CENPP: variants seen among roughly 807,000 people sequenced by gnomAD.
CENPP encodes centromere protein P.
A neutral mutation model predicts 35.6 loss-of-function variants in CENPP; 24 were observed. That is an observed-to-expected ratio of 0.67 (90% CI 0.49 to 0.95). The LOEUF is 0.95. Among genes scored for constraint, CENPP ranks in the 40% least tolerant of loss-of-function variants. CENPP has a pLI of 0.00. For synonymous variants in CENPP, 120 were observed against 125.5 expected, an observed-to-expected ratio of 0.96 and a Z score of 0.29; for missense variants, 332 against 345.3, an observed-to-expected ratio of 0.96 and a Z score of 0.31.
At chr9:92,448,284 T>A (rs1174310043) in intron 5 of CENPP, among the ~76,000 whole-genome samples, 1 of 151,730 alleles carries the variant, frequency 6.6e-6, no homozygotes, top group Non-Finnish European at 1.5e-5. Flanking sequence ...TTTTTTTTTT[T>A]TTGAGAGAGT....
At chr9:92,353,370 G>A (rs529229821) in intron 4 of CENPP, among the ~76,000 whole-genome samples, 13 of 152,200 alleles carry the variant, frequency 8.5e-5, no homozygotes, top group Admixed American at 1.3e-4. Context: ...CTGATGGAGC[G>A]ACCCAAACCT....
rs1239822881 is a variant in CENPP at position 92,329,214 on chromosome 9, C to T, written c.108-2956C>T. On this transcript the variant is annotated intron_variant, in intron 1 of 7. Coordinates refer to ENST00000375587, the MANE Select transcript of CENPP (RefSeq NM_001012267.3). Reference sequence around the variant, plus strand: ...TTTTTTTTTTTTTGAGACGGAGTTTCGCTCTTGTCGCCCAGGCTGGAGTGT... The same window carrying T: ...TTTTTTTTTTTTTGAGACGGAGTTTTGCTCTTGTCGCCCAGGCTGGAGTGT... Among the ~76,000 whole-genome samples the T allele has an allele frequency of 3.0e-4, 36 of 120,032 alleles. 2 individuals carry two copies. The Admixed American group carries it at 3.2e-3, about 11-fold the overall frequency. The allele number at this position is 120,032 out of a possible 152,430, so 78.7% of individuals were successfully genotyped here.
At chr9:92,434,129 G>A (rs1466162976) in intron 5 of CENPP, among the ~76,000 whole-genome samples, 2 of 151,978 alleles carry the variant, frequency 1.3e-5, no homozygotes, top group African/African-American at 2.4e-5. Context: ...GGTGGCTCAC[G>A]CCTGTAATCC....
At chr9:92,350,151 C>G (rs966073767) in intron 4 of CENPP, among the ~76,000 whole-genome samples, 4 of 152,142 alleles carry the variant, frequency 2.6e-5, no homozygotes, top group Admixed American at 1.3e-4. Context: ...CTAAATTTCT[C>G]TTTGTGTTCG....
At chr9:92,412,696 T>C (rs1843477571) in intron 5 of CENPP, among the ~76,000 whole-genome samples, 2 of 152,238 alleles carry the variant, frequency 1.3e-5, no homozygotes, top group South Asian at 4.1e-4. Context: ...GCTTCGTTAC[T>C]TTTTATTGCT....
chr9:92,509,875 C>A (rs1229842688), intron 5 of CENPP: 1 of 1,590,104 alleles, frequency 6.3e-7, no homozygotes, highest in Non-Finnish European at 8.5e-7. Flanking sequence ...GGAAGCATAT[C>A]ATTGAAAAAC....
At chr9:92,441,985 T>A (rs1844403050) in intron 5 of CENPP, among the ~76,000 whole-genome samples, 4 of 152,106 alleles carry the variant, frequency 2.6e-5, no homozygotes, top group Admixed American at 1.3e-4. Context: ...GAGGTATTCT[T>A]TCTAAGGCCG....
chr9:92,567,562 C>T (rs1044834411), intron 5 of CENPP, among the ~76,000 whole-genome samples: 1 of 151,672 alleles, frequency 6.6e-6, no homozygotes, highest in Non-Finnish European at 1.5e-5. Context: ...GAACTTATTA[C>T]ACTTTAAAAA....
At chr9:92,486,049 C>T (rs1396294490) in intron 5 of CENPP, among the ~76,000 whole-genome samples, 1 of 152,160 alleles carries the variant, frequency 6.6e-6, no homozygotes, top group Non-Finnish European at 1.5e-5. Flanking sequence ...GTCCACCAAT[C>T]CATTCATTCA....
chr9:92,434,724 A>G lies in CENPP; in HGVS notation c.564+54865A>G, dbSNP rs111735243. The stretch of plus-strand genomic sequence containing the variant: ...TTGGAGGAAAACATCCAGAGATGCA[A>G]GATGATTCAGACCTTAATTTTTTAA... On this transcript the variant is annotated intron_variant, in intron 5 of 7. Transcript: ENST00000375587. Among the ~76,000 whole-genome samples, 471 of 152,286 alleles carry G rather than the reference A, an allele frequency of 3.1e-3. 2 individuals carry two copies. The highest frequency in any genetic ancestry group is 0.011 in the African/African-American group (443 of 41,562).
intron 2 of CENPP, among the ~76,000 whole-genome samples, chr9:92,333,704 T>C (rs1450596949): frequency 6.6e-6 from 1 of 152,150 alleles, no homozygotes; most frequent in Non-Finnish European, 1.5e-5. Context: ...TTTTTTATTT[T>C]TTTGTTCTTT....
intron 5 of CENPP, among the ~76,000 whole-genome samples, chr9:92,490,760 A>C (rs1201962247): frequency 1.3e-5 from 2 of 152,228 alleles, no homozygotes; most frequent in African/African-American, 4.8e-5. Context: ...GTCAAAGCAT[A>C]ACTTAATTGT....
chr9:92,396,143 T>C (rs1842882806), intron 5 of CENPP, among the ~76,000 whole-genome samples: 2 of 152,200 alleles, frequency 1.3e-5, no homozygotes, highest in Non-Finnish European at 2.9e-5. Flanking sequence ...TTGAATTGTA[T>C]TGTCACATTG....
Position 92,618,799 on chromosome 9 carries a change from T to C in CENPP, c.*5650T>C, listed in dbSNP as rs1166455025. On this transcript the variant is annotated 3_prime_UTR_variant, in exon 8 of 8. Transcript: ENST00000375587. ...AGTTCAAAAGCACCGGGAAAGTGAG[T>C]GGCTGGCAGCCAGCAACCAAGGTCA... 2.8e-6 allele frequency: 1 copy of C among 353,872 alleles called. No homozygotes were observed. The highest frequency in any genetic ancestry group is 5.6e-6 in the Non-Finnish European group (1 of 180,080). The allele number at this position is 353,872 out of a possible 1,614,324, so 21.9% of individuals were successfully genotyped here. A position where few individuals can be genotyped will look rare whatever the true frequency, so the allele number is the denominator to read the frequency against.
chr9:92,619,647 T>C lies in CENPP; in HGVS notation c.*6498T>C. On this transcript the variant is annotated 3_prime_UTR_variant, in exon 8 of 8. Transcript: ENST00000375587. ...ACAACCTTCCTTCCCAGTAGCCAAG[T>C]GTGGGAACTGCTTCCTGCCTCAGAA... 8.3e-7 allele frequency: 1 copy of C among 1,211,864 alleles called. No homozygotes were observed. Among genetic ancestry groups the C allele is most frequent in the South Asian group, 1.3e-5 (1 of 77,402 alleles). The allele number at this position is 1,211,864 out of a possible 1,614,324, so 75.1% of individuals were successfully genotyped here. A position where few individuals can be genotyped will look rare whatever the true frequency, so the allele number is the denominator to read the frequency against.
intron 5 of CENPP, among the ~76,000 whole-genome samples, chr9:92,454,970 T>G (rs868773464): frequency 4.6e-5 from 7 of 152,196 alleles, no homozygotes; most frequent in Non-Finnish European, 8.8e-5. Flanking sequence ...TCCAGATATG[T>G]CATTTTAGAA....
intron 3 of CENPP, among the ~76,000 whole-genome samples, chr9:92,343,665 G>A (rs1481305475): frequency 6.6e-6 from 1 of 152,148 alleles, no homozygotes; most frequent in African/African-American, 2.4e-5. Context: ...ACAAAGTTAA[G>A]CTGGCCACAT....
At chr9:92,591,660 C>G (rs143286048) in intron 5 of CENPP, among the ~76,000 whole-genome samples, 1 of 151,604 alleles carries the variant, frequency 6.6e-6, no homozygotes, top group Non-Finnish European at 1.5e-5. Context: ...AATCTGTCTG[C>G]GATGTTTCAT....
rs1845714192 is a variant in CENPP, at chr9:92,476,335, C to G, written c.564+96476C>G. Among the ~76,000 whole-genome samples the G allele has an allele frequency of 6.6e-6, 1 of 152,172 alleles. No individual in the cohort carries two copies. Among genetic ancestry groups the G allele is most frequent in the African/African-American group, 2.4e-5 (1 of 41,450 alleles). On this transcript the variant is annotated intron_variant, in intron 5 of 7. Coordinates refer to ENST00000375587, the MANE Select transcript of CENPP (RefSeq NM_001012267.3). The surrounding 1 kb of genome is among the most constrained non-coding windows in gnomAD (Gnocchi z 4.1). The stretch of plus-strand genomic sequence containing the variant: ...CATCTCTCCATGGGCCTGCTTTTTC[C>G]TGGATTTAAAAATCAAGAATGAATT...
Sources: gnomAD v4.1 joint callset for allele counts (sites outside exome capture counted in the v4.1 genomes callset) on GRCh38, gnomAD v4.1.1 for gene constraint, Gnocchi (gnomAD v3.1) non-coding constraint, MANE v1.5 for transcripts, NCBI Gene and HGNC (gene_info 2026-07-23, HGNC 2026-07-21) for gene names.